DNAH6: variants seen among roughly 807,000 people sequenced by gnomAD.
DNAH6 encodes the protein axonemal beta dynein heavy chain 6.
In DNAH6, 340 loss-of-function variants were observed where a neutral mutation model predicts 491.4. That is an observed-to-expected ratio of 0.69 (90% confidence interval 0.63 to 0.76). The LOEUF (loss-of-function observed/expected upper bound fraction) is 0.76, where lower values mean the gene tolerates loss of function less well. Among genes scored for constraint, DNAH6 ranks in the 30% least tolerant of loss-of-function variants. DNAH6 has a pLI of 0.00. For missense variants in DNAH6, 4,443 were observed against 4,972.2 expected (o/e 0.89, Z 3.20); for synonymous variants, 1,603 against 1,686.1 (o/e 0.95, Z 1.21).
chr2:84,551,201 G>T (rs905597275), intron 9 of DNAH6, among the ~76,000 whole-genome samples: 1 of 152,090 alleles, frequency 6.6e-6, no homozygotes, highest in Non-Finnish European at 1.5e-5. Flanking sequence ...GTTAAATCAT[G>T]TCATGAACTC....
At chr2:84,809,061 C>A (rs2105328609) in intron 72 of DNAH6, among the ~76,000 whole-genome samples, 1 of 152,232 alleles carries the variant, frequency 6.6e-6, no homozygotes, top group South Asian at 2.1e-4. Context: ...TAAATAAACT[C>A]CCCAGATAAT....
At chr2:84,761,015 C>T (rs566748227) in intron 63 of DNAH6, among the ~76,000 whole-genome samples, 3 of 152,248 alleles carry the variant, frequency 2.0e-5, no homozygotes, top group African/African-American at 7.2e-5. Flanking sequence ...GATAATTGCA[C>T]TCATATGTTT....
intron 4 of DNAH6, among the ~76,000 whole-genome samples, chr2:84,534,946 A>G (rs894130453): frequency 7.9e-5 from 12 of 151,992 alleles, no homozygotes; most frequent in African/African-American, 2.9e-4. Flanking sequence ...ACATTTCTTT[A>G]TTAGAAAACA....
intron 71 of DNAH6, among the ~76,000 whole-genome samples, chr2:84,806,934 T>A (rs987270054): frequency 1.8e-4 from 27 of 152,024 alleles, no homozygotes; most frequent in Non-Finnish European, 5.9e-5. Flanking sequence ...AAATATAAGA[T>A]CAATAAATAT....
intron 19 of DNAH6, 121 bp from the exon 20 acceptor site, chr2:84,605,379 G>A: frequency 3.4e-6 from 2 of 592,170 alleles, no homozygotes; most frequent in African/African-American, 2.1e-5. Flanking sequence ...AAGAATTTTA[G>A]AGAGCAATAA....
chr2:84,718,547 A>G (rs1194456238), intron 59 of DNAH6, among the ~76,000 whole-genome samples, 163 bp downstream of exon 59: 1 of 152,236 alleles, frequency 6.6e-6, no homozygotes, highest in Non-Finnish European at 1.5e-5. Flanking sequence ...CTTGCCAACC[A>G]AAGAAACCTG....
Position 84,553,042 on chromosome 2 carries a change from T to A in DNAH6, c.1602+8T>A, listed in dbSNP as rs762499242. 2.2e-5 allele frequency: 34 copies of A among 1,512,826 alleles called. No homozygotes were observed. The South Asian group carries it at 3.8e-4, about 17-fold the overall frequency. 93.7% of individuals were successfully genotyped at this position (1,512,826 alleles called of 1,614,324 possible). ...TCTCTGGAAGACTTTCTGGTGTGTG[T>A]TTTTCATGTATTATCCACATGCAAG... On this transcript the variant is annotated splice_region_variant and intron_variant, in intron 10 of 76. Transcript: ENST00000389394.
Position 84,695,928 on chromosome 2 carries a change from A to G in DNAH6, c.7524+1448A>G, listed in dbSNP as rs1329283485. Among the ~76,000 whole-genome samples the G allele has an allele frequency of 3.3e-5, 5 of 152,132 alleles. 1 individual carries two copies. The East Asian group carries it at 9.6e-4, about 29-fold the overall frequency. ...GTTACTACATTCTGTTGGAAGCCCC[A>G]ATCAATCTCAAATGTTCTACAATAA... On this transcript the variant is annotated intron_variant, in intron 46 of 76. Transcript: ENST00000389394.
intron 44 of DNAH6, among the ~76,000 whole-genome samples, chr2:84,687,154 A>G (rs1194374961): frequency 6.6e-6 from 1 of 152,116 alleles, no homozygotes; most frequent in Non-Finnish European, 1.5e-5. Context: ...CTCTCTGTCT[A>G]ATTTTTACCC....
chr2:84,733,715 A>G lies in DNAH6; in HGVS notation c.10342+136A>G, dbSNP rs978227789. The stretch of plus-strand genomic sequence containing the variant: ...TTCCTTCATTTCTAAGAAACTGTAA[A>G]TTATTTGTTTTCACAATTTCTTGAG... On this transcript the variant is annotated intron_variant, in intron 62 of 76. Transcript: ENST00000389394. The G allele has an allele frequency of 1.2e-5, 11 of 888,552 alleles. No homozygotes were observed. The African/African-American group carries it at 1.9e-4, about 15-fold the overall frequency. The allele number at this position is 888,552 out of a possible 1,614,324, so 55.0% of individuals were successfully genotyped here.
intron 63 of DNAH6, among the ~76,000 whole-genome samples, chr2:84,747,548 C>T (rs1011895930): frequency 1.3e-5 from 2 of 152,188 alleles, no homozygotes; most frequent in African/African-American, 4.8e-5. Context: ...GGGAGCTGTC[C>T]ATGTTGACTG....
intron 29 of DNAH6, among the ~76,000 whole-genome samples, chr2:84,629,167 T>C (rs1292137837): frequency 1.3e-5 from 2 of 152,202 alleles, no homozygotes; most frequent in Non-Finnish European, 2.9e-5. Context: ...CTCTTTCTGA[T>C]AGGTATTTGG....
At chr2:84,549,308 G>A (rs150464607) in intron 8 of DNAH6, among the ~76,000 whole-genome samples, 18 of 152,132 alleles carry the variant, frequency 1.2e-4, no homozygotes, top group African/African-American at 1.7e-4. Context: ...TCAGTGAAGC[G>A]GTCTCTGAGG....
chr2:84,478,952 G>A, the DNAH6 span, among the ~76,000 whole-genome samples: 2 of 150,842 alleles, frequency 1.3e-5, no homozygotes, highest in Admixed American at 6.6e-5. Flanking sequence ...TTCCCCTGGA[G>A]TCCAGCTGTC....
chr2:84,774,715 A>G (rs1047986509), intron 64 of DNAH6, among the ~76,000 whole-genome samples: 1 of 152,014 alleles, frequency 6.6e-6, no homozygotes, highest in Admixed American at 6.6e-5. Flanking sequence ...TGTGTCATTT[A>G]TGATTTCTCC....
chr2:84,694,843 AG>A (rs1248527424), intron 46 of DNAH6, among the ~76,000 whole-genome samples: 2 of 152,226 alleles, frequency 1.3e-5, no homozygotes, highest in African/African-American at 2.4e-5. Context: ...GGAAAAAGTA[AG>A]GGCTATCTTT....
chr2:84,622,883 G>C (rs879505244), intron 26 of DNAH6, among the ~76,000 whole-genome samples: 3 of 152,076 alleles, frequency 2.0e-5, no homozygotes, highest in Non-Finnish European at 4.4e-5. Context: ...ACAGTTATGA[G>C]GTGACATCTC....
In DNAH6 at chr2:84,815,900, T is replaced by C; in HGVS notation, c.12190T>C (p.Phe4064Leu). 1 of 1,551,764 alleles carries C rather than the reference T, an allele frequency of 6.4e-7. No homozygotes were observed. The highest frequency in any genetic ancestry group is 8.7e-7 in the Non-Finnish European group (1 of 1,146,996). ...GGATGGTGTTCTTGTTCATGGGATG[T>C]TCATGGATGCTTCTCGATGGGATGA... Reference protein sequence around the residue: ...PEDGVLVHGMFMDASRWDDKE... With the variant: ...PEDGVLVHGMLMDASRWDDKE... The change falls in exon 76 of 77, where the codon TTC (phenylalanine) becomes CTC (leucine). Residue 4064 changes from phenylalanine (F) to leucine (L), a missense_variant. Physicochemically the swap from Phe to Leu is conservative, Grantham distance 22 (BLOSUM62 0). Transcript: ENST00000389394.
chr2:84,704,406 T>C (rs776610358), intron 51 of DNAH6, 104 bp downstream of exon 51: 1 of 832,026 alleles, frequency 1.2e-6, no homozygotes, highest in Non-Finnish European at 1.9e-6. Flanking sequence ...ACCTTCTCAT[T>C]GCTTCAGTTG....
Sources: gnomAD v4.1 joint callset for allele counts (sites outside exome capture counted in the v4.1 genomes callset) on GRCh38, gnomAD v4.1.1 for gene constraint, MANE v1.5 for transcripts, NCBI Gene and HGNC (gene_info 2026-07-23, HGNC 2026-07-21) for gene names.